The following LRRIQ1 variants were observed in gnomAD, a reference collection of about 807,000 sequenced individuals.
LRRIQ1 encodes leucine-rich repeat- and IQ domain-containing protein 1.
A neutral mutation model predicts 211.9 loss-of-function variants in LRRIQ1; 210 were observed. The observed-to-expected ratio is 0.99, with a 90% CI of 0.89 to 1.11. The LOEUF is 1.11. Ranked by LOEUF, LRRIQ1 falls within the 50% of genes most tolerant of loss-of-function variation. The pLI, the probability that LRRIQ1 is intolerant of heterozygous loss-of-function variation, is 0.00. For synonymous variants in LRRIQ1, 699 were observed against 650.1 expected, an observed-to-expected ratio of 1.08 and a Z score of -1.14; for missense variants, 2,136 against 1,939.5, an observed-to-expected ratio of 1.10 and a Z score of -1.90.
chr12:85,208,052 G>A (rs572190259), intron 24 of LRRIQ1, among the ~76,000 whole-genome samples: 25 of 151,110 alleles, frequency 1.7e-4, no homozygotes, highest in African/African-American at 6.1e-4. Context: ...AGTTGACAAA[G>A]TTTTATATAT....
chr12:85,251,777 C>CAAA (rs11415458), intron 1 of LRRIQ1, among the ~76,000 whole-genome samples: 25,144 of 116,566 alleles, frequency 0.22, 5,499 homozygotes, highest in African/African-American at 0.55. Flanking sequence ...AGAAGTGGCG[C>CAAA]AAAAAAAAAA....
chr12:85,252,979 A>G (rs1390780088), intron 1 of LRRIQ1, among the ~76,000 whole-genome samples: 1 of 152,022 alleles, frequency 6.6e-6, no homozygotes, highest in Non-Finnish European at 1.5e-5. Flanking sequence ...ATATAAGTAA[A>G]TGATACAGTT....
intron 24 of LRRIQ1, among the ~76,000 whole-genome samples, chr12:85,225,712 C>T (rs1417497616): frequency 6.6e-6 from 1 of 152,104 alleles, no homozygotes; most frequent in African/African-American, 2.4e-5. Flanking sequence ...GTTCTGCAGG[C>T]AGAAGGTTGC....
Position 85,056,648 on chromosome 12 carries a change from G to T in LRRIQ1, c.1855G>T (p.Glu619Ter), listed in dbSNP as rs74720621. 8.8e-6 allele frequency: 14 copies of T among 1,597,982 alleles called. No individual in the cohort carries two copies. The highest frequency in any genetic ancestry group is 2.7e-5 in the African/African-American group (2 of 73,750). Reference protein sequence around the residue: ...VKQRSLSLTSENSKDVRENVI... With the variant: ...VKQRSLSLTS Reference sequence around the variant, plus strand: ...ACAAAGATCACTCTCACTAACATCAGAAAATTCCAAAGATGTAAGAGAAAA... The same window carrying T: ...ACAAAGATCACTCTCACTAACATCATAAAATTCCAAAGATGTAAGAGAAAA... Residue 619 changes from glutamate (E) to a stop codon, truncating the protein, a stop_gained, in exon 8 of 27, where the codon GAA becomes TAA. Transcript: ENST00000393217. LOFTEE classifies it high-confidence loss of function.
At chr12:85,158,546 A>G (rs1380864428) in intron 23 of LRRIQ1, among the ~76,000 whole-genome samples, 1 of 152,006 alleles carries the variant, frequency 6.6e-6, no homozygotes, top group African/African-American at 2.4e-5. Flanking sequence ...ATTTAATAAT[A>G]TGGATACTCT....
At chr12:85,112,828 C>A (rs1027294140) in intron 15 of LRRIQ1, among the ~76,000 whole-genome samples, 1 of 152,102 alleles carries the variant, frequency 6.6e-6, no homozygotes, top group African/African-American at 2.4e-5. Context: ...AACTTACTAT[C>A]TCACAGGCTA....
Position 85,142,198 on chromosome 12 carries a change from G to C in LRRIQ1, c.4329+4229G>C, listed in dbSNP as rs1231923001. Among the ~76,000 whole-genome samples the C allele has an allele frequency of 5.3e-5, 8 of 151,324 alleles. No individual in the cohort carries two copies. The East Asian group carries it at 1.4e-3, about 26-fold the overall frequency. ...TAACTTTTCTTCTCTGAAGATATTGGCTTCCTATCCCATCCCCCAGGTAAC... is the reference window on the plus strand; with the variant it reads ...TAACTTTTCTTCTCTGAAGATATTGCCTTCCTATCCCATCCCCCAGGTAAC... On this transcript the variant is annotated intron_variant, in intron 19 of 26. Transcript: ENST00000393217.
At chr12:85,156,126 C>T (rs1890530615) in intron 23 of LRRIQ1, among the ~76,000 whole-genome samples, 1 of 151,734 alleles carries the variant, frequency 6.6e-6, no homozygotes, top group African/African-American at 2.4e-5. Context: ...ACTCCAATAA[C>T]ATGATTATAA....
At chr12:85,192,544 TATATA>T (rs1178645354) in intron 24 of LRRIQ1, among the ~76,000 whole-genome samples, 4 of 121,270 alleles carry the variant, frequency 3.3e-5, no homozygotes, top group Admixed American at 1.0e-4. Flanking sequence ...TATATAAATA[TATATA>T]GTTATATAAT....
At chr12:85,092,186 TA>T (rs1009039171) in intron 11 of LRRIQ1, among the ~76,000 whole-genome samples, 1 of 152,186 alleles carries the variant, frequency 6.6e-6, no homozygotes, top group African/African-American at 2.4e-5. Flanking sequence ...CAGAATCATA[TA>T]AAAACCCCAT....
At chr12:85,227,415 G>A (rs1343003940) in intron 24 of LRRIQ1, among the ~76,000 whole-genome samples, 1 of 152,064 alleles carries the variant, frequency 6.6e-6, no homozygotes, top group Non-Finnish European at 1.5e-5. Context: ...GCATTTCTCT[G>A]ATGGCCAATG....
At chr12:85,198,530 G>C (rs1893122184) in intron 24 of LRRIQ1, among the ~76,000 whole-genome samples, 1 of 151,004 alleles carries the variant, frequency 6.6e-6, no homozygotes, top group Non-Finnish European at 1.5e-5. Context: ...GTATCTCATT[G>C]TGGTTTTAAT....
chr12:85,268,486 A>G (rs1479053800), downstream of LRRIQ1, among the ~76,000 whole-genome samples: 1 of 151,956 alleles, frequency 6.6e-6, no homozygotes, highest in African/African-American at 2.4e-5. Flanking sequence ...AGAGTGACCC[A>G]TATTCTCTGT....
chr12:85,077,674 G>T (rs994927292), intron 11 of LRRIQ1, among the ~76,000 whole-genome samples: 1 of 151,944 alleles, frequency 6.6e-6, no homozygotes, highest in Non-Finnish European at 1.5e-5. Flanking sequence ...CAGGCATGGT[G>T]GCTTACACCT....
intron 13 of LRRIQ1, among the ~76,000 whole-genome samples, chr12:85,102,944 CAAAAAAA>C (rs761217598): frequency 1.1e-5 from 1 of 87,752 alleles, no homozygotes; most frequent in African/African-American, 4.5e-5. Flanking sequence ...CTAATTGTGG[CAAAAAAA>C]AAAAAAAAAT....
At chr12:85,059,120 T>C (rs571632170) in intron 8 of LRRIQ1, among the ~76,000 whole-genome samples, 2 of 152,122 alleles carry the variant, frequency 1.3e-5, no homozygotes, top group East Asian at 3.9e-4. Flanking sequence ...CAGTTTCTTT[T>C]TGACTTTCTG....
chr12:85,092,046 A>G (rs755445944), intron 11 of LRRIQ1, among the ~76,000 whole-genome samples: 30 of 152,182 alleles, frequency 2.0e-4, no homozygotes, highest in Admixed American at 6.5e-4. Context: ...CGTGAATCCT[A>G]TTGTGAACTG....
chr12:85,250,953 T>TTATATATTATATATAATATATTTTATAG (rs1565929005), intron 1 of LRRIQ1, among the ~76,000 whole-genome samples: 7 of 92,256 alleles, frequency 7.6e-5, no homozygotes, highest in African/African-American at 2.6e-4. Context: ...ATATTTTATA[T>TTATATATTATATATAATATATTTTATAG]ATTATATATT....
At chr12:85,175,072 C>G (rs1186871600) in intron 24 of LRRIQ1, among the ~76,000 whole-genome samples, 1 of 152,018 alleles carries the variant, frequency 6.6e-6, no homozygotes, top group Non-Finnish European at 1.5e-5. Context: ...TATTTCCAAC[C>G]TAAAATTATA....
Sources: allele counts gnomAD v4.1 joint callset (sites outside exome capture counted in the v4.1 genomes callset), GRCh38; gene constraint gnomAD v4.1.1; transcripts MANE v1.5; gene names NCBI Gene and HGNC (gene_info 2026-07-23, HGNC 2026-07-21).